Variants in PLXNA4 observed in about 807,000 individuals in gnomAD.
PLXNA4 encodes the protein plexin A4, also known as plexin-A4.
A neutral mutation model predicts 191.8 loss-of-function variants in PLXNA4; 44 were observed. The ratio of observed to expected loss-of-function variants is 0.23; its 90% CI spans 0.18 to 0.29. The LOEUF (loss-of-function observed/expected upper bound fraction) is 0.29, where lower values mean the gene tolerates loss of function less well. PLXNA4 is among the 10% of genes least tolerant of loss of function. The probability of loss-of-function intolerance (pLI) is 1.00; values close to 1 mark genes in which losing one functional copy is unlikely to be tolerated. For missense variants in PLXNA4, 1,800 were observed against 2,488.8 expected (o/e 0.72, Z 5.89); for synonymous variants, 1,082 against 1,009.5 (o/e 1.07, Z -1.36).
At chr7:132,586,779 A>G (rs1802513584) in intron 2 of PLXNA4, among the ~76,000 whole-genome samples, 1 of 152,090 alleles carries the variant, frequency 6.6e-6, no homozygotes, top group African/African-American at 2.4e-5. Flanking sequence ...AAAATTAATT[A>G]GCTGGGTGTG....
At chr7:132,456,890 G>A (rs750218714) in intron 3 of PLXNA4, among the ~76,000 whole-genome samples, 3 of 152,150 alleles carry the variant, frequency 2.0e-5, no homozygotes, top group Non-Finnish European at 4.4e-5. Flanking sequence ...ACATTCCCCA[G>A]TTTCCATTTA....
Position 132,133,208 on chromosome 7 carries a change from G to T in PLXNA4, c.5439-9C>A. Reference sequence around the variant, plus strand: ...CTATGTCTGAGTAATACCTGTGGAGGGATGGAAATAGGGAGAAGCTGAAGT... The same window carrying T: ...CTATGTCTGAGTAATACCTGTGGAGTGATGGAAATAGGGAGAAGCTGAAGT... On this transcript the variant is annotated splice_polypyrimidine_tract_variant and intron_variant, in intron 30 of 31. Transcript: ENST00000321063. 1.2e-6 allele frequency: 2 copies of T among 1,613,690 alleles called. No homozygotes were observed. The highest frequency in any genetic ancestry group is 1.1e-5 in the South Asian group (1 of 91,020).
chr7:132,405,713 G>T (rs1794192184), intron 3 of PLXNA4, among the ~76,000 whole-genome samples: 1 of 152,170 alleles, frequency 6.6e-6, no homozygotes, highest in Admixed American at 6.5e-5. Context: ...TACCCATGTG[G>T]CACAAAACAT....
intron 3 of PLXNA4, among the ~76,000 whole-genome samples, chr7:132,304,801 C>G (rs947528947): frequency 2.6e-5 from 4 of 152,110 alleles, no homozygotes; most frequent in African/African-American, 4.8e-5. Flanking sequence ...TCCCTCCCCC[C>G]TGTCCTCTGC....
intron 3 of PLXNA4, among the ~76,000 whole-genome samples, chr7:132,344,310 T>A (rs1485858827): frequency 6.6e-6 from 1 of 152,188 alleles, no homozygotes; most frequent in Non-Finnish European, 1.5e-5. Flanking sequence ...ACAGATATTA[T>A]CATTTTCTAC....
At chr7:132,330,683 G>A (rs187027691) in intron 3 of PLXNA4, among the ~76,000 whole-genome samples, 1 of 152,268 alleles carries the variant, frequency 6.6e-6, no homozygotes, top group East Asian at 1.9e-4. Context: ...GCTGGTCAAT[G>A]GCTGAGTGTC....
intron 2 of PLXNA4, among the ~76,000 whole-genome samples, chr7:132,502,835 C>T (rs995811059): frequency 1.3e-5 from 2 of 152,176 alleles, no homozygotes; most frequent in Non-Finnish European, 2.9e-5. Context: ...CCATCAGGTA[C>T]CATGCAAACT....
intron 1 of PLXNA4, among the ~76,000 whole-genome samples, chr7:132,574,028 C>A (rs1299738778): frequency 6.6e-6 from 1 of 152,198 alleles, no homozygotes; most frequent in Non-Finnish European, 1.5e-5. Flanking sequence ...GTAATGTATA[C>A]TCCGCTTTAC....
At chr7:132,548,445 A>G (rs998786713) in intron 1 of PLXNA4, among the ~76,000 whole-genome samples, 10 of 152,118 alleles carry the variant, frequency 6.6e-5, no homozygotes, top group Admixed American at 6.5e-4. Flanking sequence ...CAGGAGTGGG[A>G]CATGGAGGTA....
intron 3 of PLXNA4, among the ~76,000 whole-genome samples, chr7:132,372,683 A>G (rs1185907527): frequency 6.6e-6 from 1 of 152,266 alleles, no homozygotes; most frequent in African/African-American, 2.4e-5. Context: ...AGAATCAAAC[A>G]AAATAGAACA....
At chr7:132,366,972 G>A (rs1351091310) in intron 3 of PLXNA4, among the ~76,000 whole-genome samples, 1 of 152,072 alleles carries the variant, frequency 6.6e-6, no homozygotes, top group Non-Finnish European at 1.5e-5. Flanking sequence ...TTCTCGCTAT[G>A]TTGTCCAGGC....
intron 3 of PLXNA4, among the ~76,000 whole-genome samples, chr7:132,302,209 T>A (rs1220196674): frequency 1.3e-5 from 2 of 152,192 alleles, no homozygotes; most frequent in African/African-American, 4.8e-5. Context: ...ATATTTTTTA[T>A]AAATGGTCTG....
At chr7:132,155,990 C>G (rs767257773) in intron 25 of PLXNA4, among the ~76,000 whole-genome samples, 3 of 152,152 alleles carry the variant, frequency 2.0e-5, no homozygotes, top group Non-Finnish European at 4.4e-5. Context: ...TGCCAGCAGA[C>G]AGCCTTCAGA....
chr7:132,372,828 A>T (rs1162999782), intron 3 of PLXNA4, among the ~76,000 whole-genome samples: 1 of 152,180 alleles, frequency 6.6e-6, no homozygotes, highest in Non-Finnish European at 1.5e-5. Context: ...CAACTTTCTC[A>T]CCTATAAATA....
chr7:132,556,537 A>G (rs1213490659), intron 1 of PLXNA4, among the ~76,000 whole-genome samples: 2 of 152,250 alleles, frequency 1.3e-5, no homozygotes, highest in Non-Finnish European at 2.9e-5. Context: ...GTCCCCACAT[A>G]ATCTGCCCAT....
intron 3 of PLXNA4, among the ~76,000 whole-genome samples, chr7:132,469,760 C>A (rs1484019591): frequency 1.3e-5 from 2 of 152,224 alleles, no homozygotes; most frequent in South Asian, 2.1e-4. Flanking sequence ...CTTATTTGAT[C>A]ATCACATACT....
chr7:132,605,569 A>G (rs554088534), intron 2 of PLXNA4, among the ~76,000 whole-genome samples: 1 of 152,278 alleles, frequency 6.6e-6, no homozygotes, highest in Admixed American at 6.5e-5. Flanking sequence ...TTCTGGGGAC[A>G]CAGAAAGCCA....
intron 3 of PLXNA4, among the ~76,000 whole-genome samples, chr7:132,430,260 C>A (rs1282563763): frequency 6.6e-6 from 1 of 152,150 alleles, no homozygotes; most frequent in Admixed American, 6.5e-5. Context: ...ATACAGACAT[C>A]AAGTCTCTAT....
At chr7:132,263,089 CAG>C (rs1188082792) in intron 4 of PLXNA4, among the ~76,000 whole-genome samples, 1 of 152,162 alleles carries the variant, frequency 6.6e-6, no homozygotes, top group Non-Finnish European at 1.5e-5. Flanking sequence ...GCAGCCTGCA[CAG>C]GACCACTGAG....
Sources: allele counts gnomAD v4.1 joint callset (sites outside exome capture counted in the v4.1 genomes callset), GRCh38; gene constraint gnomAD v4.1.1; transcripts MANE v1.5; gene names NCBI Gene and HGNC (gene_info 2026-07-23, HGNC 2026-07-21).